CSMD1: variants seen among roughly 807,000 people sequenced by gnomAD.
CSMD1 encodes CUB and sushi domain-containing protein 1.
CSMD1 carries 213 observed loss-of-function variants against 417.5 expected under a neutral mutation model. The observed-to-expected ratio is 0.51, with a 90% CI of 0.46 to 0.57. CSMD1 has a LOEUF of 0.57. Ranked by LOEUF, CSMD1 falls within the 20% of genes least tolerant of loss-of-function variation. The pLI is 0.00. For synonymous variants in CSMD1, 2,862 were observed against 1,736.8 expected (o/e 1.65, Z -16.11); for missense variants, 6,923 against 4,529.7 (o/e 1.53, Z -15.17).
intron 8 of CSMD1, among the ~76,000 whole-genome samples, chr8:3,599,141 GTGTGTGTGTC>G (rs1801234496): frequency 1.4e-5 from 2 of 142,158 alleles, no homozygotes; most frequent in African/African-American, 5.9e-5. Flanking sequence ...GTGTGTGTGT[GTGTGTGTGTC>G]TGTGTGTGTG....
intron 49 of CSMD1, among the ~76,000 whole-genome samples, chr8:3,059,728 G>C (rs1005888920): frequency 2.6e-4 from 39 of 152,244 alleles, no homozygotes; most frequent in African/African-American, 8.4e-4. Context: ...GAGGAGAGTG[G>C]ACTGGGGGAG....
intron 2 of CSMD1, among the ~76,000 whole-genome samples, chr8:4,478,483 T>TC (rs369580000): frequency 6.6e-6 from 1 of 151,758 alleles, no homozygotes; most frequent in Non-Finnish European, 1.5e-5. Context: ...TCATTAGCTT[T>TC]CCCCCCCAAA....
At chr8:4,362,350 C>A (rs149786705) in intron 3 of CSMD1, among the ~76,000 whole-genome samples, 5 of 152,128 alleles carry the variant, frequency 3.3e-5, no homozygotes, top group African/African-American at 1.2e-4. Flanking sequence ...CCAAGCTCAT[C>A]TGTCTGCCCC....
At chr8:3,566,963 G>C (rs1429708783) in intron 10 of CSMD1, among the ~76,000 whole-genome samples, 3 of 152,196 alleles carry the variant, frequency 2.0e-5, no homozygotes, top group South Asian at 2.1e-4. Flanking sequence ...CTATCATAAA[G>C]ACACATGCAG....
rs1337452066 is a variant in CSMD1 at position 3,439,302 on chromosome 8, TATATATA to T, written c.1561+29403_1561+29409del. 1.1e-3 allele frequency among the ~76,000 whole-genome samples: 56 copies of T among 49,624 alleles called. 1 individual carries two copies. The highest frequency in any genetic ancestry group is 1.9e-3 in the African/African-American group (17 of 8,886). 32.6% of individuals were successfully genotyped at this position (49,624 alleles called of 152,430 possible). A position where few individuals can be genotyped will look rare whatever the true frequency, so the allele number is the denominator to read the frequency against. Reference sequence around the variant, plus strand: ...GTCAGTATATATATATATATATATATATATATATTTTTTTTTTTAATATGTATTTTTA... The same window carrying T: ...GTCAGTATATATATATATATATATATTTTTTTTTTTTAATATGTATTTTTA... On this transcript the variant is annotated intron_variant, in intron 12 of 69. Transcript: ENST00000635120.
intron 12 of CSMD1, among the ~76,000 whole-genome samples, chr8:3,413,595 A>G (rs1218011045): frequency 6.6e-6 from 1 of 152,236 alleles, no homozygotes; most frequent in Non-Finnish European, 1.5e-5. Context: ...TTTCATGATT[A>G]TGCCAGCGAT....
intron 3 of CSMD1, among the ~76,000 whole-genome samples, chr8:4,115,204 G>T (rs1802069605): frequency 1.3e-5 from 2 of 152,128 alleles, no homozygotes; most frequent in Non-Finnish European, 2.9e-5. Context: ...CTACCATCTT[G>T]GTAAGTCAGC....
At chr8:3,508,644 C>A (rs532107484) in intron 10 of CSMD1, among the ~76,000 whole-genome samples, 1 of 152,216 alleles carries the variant, frequency 6.6e-6, no homozygotes, top group Non-Finnish European at 1.5e-5. Context: ...TTCAATCACT[C>A]CTTCAGTCGG....
At chr8:3,040,899 A>C (rs1358069196) in intron 50 of CSMD1, among the ~76,000 whole-genome samples, 1 of 152,226 alleles carries the variant, frequency 6.6e-6, no homozygotes, top group Non-Finnish European at 1.5e-5. Flanking sequence ...TTCATATAAA[A>C]CATTTAATGG....
chr8:4,401,783 C>G (rs1440897739), intron 3 of CSMD1, among the ~76,000 whole-genome samples: 2 of 152,170 alleles, frequency 1.3e-5, no homozygotes, highest in Non-Finnish European at 1.5e-5. Flanking sequence ...GCAGCCCTGT[C>G]CAGCAGTGCT....
At chr8:3,552,688 A>G (rs886633679) in intron 10 of CSMD1, among the ~76,000 whole-genome samples, 4 of 152,238 alleles carry the variant, frequency 2.6e-5, no homozygotes, top group Admixed American at 1.3e-4. Context: ...CATATACTCC[A>G]TTTGGGTCTG....
intron 7 of CSMD1, among the ~76,000 whole-genome samples, chr8:3,632,871 A>G (rs1406735385): frequency 1.1e-4 from 16 of 152,180 alleles, no homozygotes; most frequent in Admixed American, 7.2e-4. Flanking sequence ...TCCTGTTTTA[A>G]GAAGGAAGTT....
At chr8:3,116,803 G>C (rs148978572) in intron 42 of CSMD1, among the ~76,000 whole-genome samples, 184 of 152,010 alleles carry the variant, frequency 1.2e-3, no homozygotes, top group African/African-American at 4.1e-3. Flanking sequence ...TGAATTCAAA[G>C]TCTTCACACC....
At chr8:2,968,741 G>A (rs2128930434) in intron 57 of CSMD1, among the ~76,000 whole-genome samples, 1 of 152,000 alleles carries the variant, frequency 6.6e-6, no homozygotes, top group South Asian at 2.1e-4. Context: ...TAAATTTAGA[G>A]GAGAAAAAAG....
At chr8:3,304,506 G>C (rs372656321) in intron 25 of CSMD1, among the ~76,000 whole-genome samples, 1 of 151,958 alleles carries the variant, frequency 6.6e-6, no homozygotes, top group South Asian at 2.1e-4. Context: ...AAACATTTTG[G>C]GATTAAGTTG....
chr8:3,433,854 C>A (rs769505437), intron 12 of CSMD1, among the ~76,000 whole-genome samples: 2 of 152,222 alleles, frequency 1.3e-5, no homozygotes, highest in East Asian at 3.9e-4. Flanking sequence ...CTCTGTTGCA[C>A]TGGAAATTGC....
At chr8:3,163,809 C>T (rs1039336753) in intron 37 of CSMD1, among the ~76,000 whole-genome samples, 4 of 152,100 alleles carry the variant, frequency 2.6e-5, no homozygotes, top group Non-Finnish European at 4.4e-5. Flanking sequence ...CTGTGCCAGA[C>T]GCATTATACT....
intron 1 of CSMD1, among the ~76,000 whole-genome samples, chr8:4,852,972 C>G (rs937211318): frequency 6.6e-6 from 1 of 152,102 alleles, no homozygotes; most frequent in Non-Finnish European, 1.5e-5. Context: ...CATGATGTGG[C>G]CTGGCTGCTT....
chr8:3,833,853 C>A (rs903430284), intron 5 of CSMD1, among the ~76,000 whole-genome samples: 1 of 152,072 alleles, frequency 6.6e-6, no homozygotes, highest in African/African-American at 2.4e-5. Context: ...TTCTTTAACT[C>A]CCAAACTTTG....
Sources: gnomAD v4.1 joint callset for allele counts (sites outside exome capture counted in the v4.1 genomes callset) on GRCh38, gnomAD v4.1.1 for gene constraint, MANE v1.5 for transcripts, NCBI Gene and HGNC (gene_info 2026-07-23, HGNC 2026-07-21) for gene names.